The following KLHL13 variants were observed in gnomAD, a reference collection of about 807,000 sequenced individuals.
KLHL13 encodes kelch-like protein 13.
In KLHL13, 10 loss-of-function variants were observed where a neutral mutation model predicts 37.1. The observed-to-expected ratio is 0.27, with a 90% CI of 0.17 to 0.46. KLHL13 has a LOEUF of 0.46. Ranked by LOEUF, KLHL13 falls within the 20% of genes least tolerant of loss-of-function variation. The pLI is 1.00. For missense variants in KLHL13, 360 were observed against 509.3 expected, an observed-to-expected ratio of 0.71 and a Z score of 2.82; for synonymous variants, 163 against 181.2, an observed-to-expected ratio of 0.90 and a Z score of 0.81.
chrX:118,084,261 A>T (rs1000135985), intron 1 of KLHL13, among the ~76,000 whole-genome samples: 4 of 111,890 alleles, frequency 3.6e-5, no homozygotes, highest in African/African-American at 6.5e-5. Flanking sequence ...TGAGCCCAGG[A>T]GTGCTATGAT....
intron 1 of KLHL13, among the ~76,000 whole-genome samples, chrX:118,017,548 T>C (rs1451244056): frequency 2.7e-5 from 3 of 110,254 alleles, no homozygotes; most frequent in Non-Finnish European, 5.7e-5. Context: ...GGTAGTAGAG[T>C]GGAAATGGAG....
Position 117,909,345 on chromosome X carries a change from C to A in KLHL13, c.1322G>T (p.Gly441Val). 8.3e-7 allele frequency: 1 copy of A among 1,207,479 alleles called. No individual in the cohort carries two copies. Among genetic ancestry groups the A allele is most frequent in the Non-Finnish European group, 1.1e-6 (1 of 893,410 alleles). Reference sequence around the variant, plus strand: ...TCGCCCACCAACTGCATACAGATATCCTTTGAGGGCACTTAGGTGGAAGAA... The same window carrying A: ...TCGCCCACCAACTGCATACAGATATACTTTGAGGGCACTTAGGTGGAAGAA... The change falls in exon 5 of 7, where the codon GGA (glycine) becomes GTA (valine). Residue 441 changes from glycine (G) to valine (V), a missense_variant. Physicochemically the swap from Gly to Val is moderately radical, Grantham distance 109. Around this residue, in one of 2 missense-constraint regions of KLHL13, gnomAD observed 166 missense variants for 284.3 expected, o/e 0.58. Coordinates refer to ENST00000262820, the Ensembl canonical transcript of KLHL13.
chrX:117,972,763 T>C (rs1569430319), exon 1 of KLHL13: 1 of 1,211,102 alleles, frequency 8.3e-7, no homozygotes. Context: ...TTGACCTGGA[T>C]GTTTTAAGCA....
chrX:118,069,031 A>G (rs1270568285), intron 1 of KLHL13, among the ~76,000 whole-genome samples: 1 of 108,396 alleles, frequency 9.2e-6, no homozygotes, highest in African/African-American at 3.4e-5. Context: ...ACCTGAGCTG[A>G]ATCTGCACTC....
chrX:118,058,291 A>C (rs2054706132), intron 1 of KLHL13, among the ~76,000 whole-genome samples: 1 of 106,388 alleles, frequency 9.4e-6, no homozygotes, highest in African/African-American at 3.4e-5. Flanking sequence ...CCCTTCCCCT[A>C]CTCCCCCCCT....
At chrX:118,101,305 T>C (rs1477519626) in intron 1 of KLHL13, among the ~76,000 whole-genome samples, 1 of 111,896 alleles carries the variant, frequency 8.9e-6, no homozygotes, top group African/African-American at 3.2e-5. Context: ...GTAAACTAAA[T>C]ATTCATTCAT....
chrX:117,941,092 A>T (rs1214898543), intron 2 of KLHL13, among the ~76,000 whole-genome samples: 1 of 111,299 alleles, frequency 9.0e-6, no homozygotes, highest in Non-Finnish European at 1.9e-5. Context: ...GTCATAAATA[A>T]CACTTATTAT....
intron 1 of KLHL13, among the ~76,000 whole-genome samples, chrX:118,096,832 T>C (rs1240900925): frequency 2.7e-4 from 30 of 111,652 alleles, no homozygotes; most frequent in African/African-American, 9.4e-4. Context: ...AAAAACCACA[T>C]GATTATCTCA....
chrX:118,107,551 T>C (rs748043860), intron 1 of KLHL13, among the ~76,000 whole-genome samples: 3 of 112,293 alleles, frequency 2.7e-5, no homozygotes, highest in African/African-American at 6.5e-5. Context: ...TAAGTATAGT[T>C]ATATTTCATA....
chrX:117,997,227 A>T, intron 1 of KLHL13, among the ~76,000 whole-genome samples: 1 of 106,262 alleles, frequency 9.4e-6, no homozygotes, highest in African/African-American at 3.5e-5. Flanking sequence ...GCCTACTGAC[A>T]CACTCTCTTA....
At chrX:118,025,847 C>T (rs965150641) in intron 1 of KLHL13, among the ~76,000 whole-genome samples, 7 of 112,308 alleles carry the variant, frequency 6.2e-5, no homozygotes, top group Admixed American at 3.8e-4. Context: ...GCTAGTTCTG[C>T]TGTCACACTC....
In KLHL13 at chrX:117,948,260, T is replaced by C. The variant is rs1488857727; in HGVS notation, c.99-2685A>G. 2.7e-5 allele frequency among the ~76,000 whole-genome samples: 3 copies of C among 112,020 alleles called. No individual in the cohort carries two copies. The East Asian group carries it at 8.4e-4, about 31-fold the overall frequency. On this transcript the variant is annotated intron_variant, in intron 1 of 6. Transcript: ENST00000262820. ...TTCTCAAGCAATTTCATGATTTAAA[T>C]AATTTCCCAGTCATAGGGTTGAATC... is the stretch of plus-strand genomic sequence containing the variant.
intron 1 of KLHL13, among the ~76,000 whole-genome samples, chrX:117,999,679 AC>A (rs2053898022): frequency 9.1e-6 from 1 of 110,039 alleles, no homozygotes. Context: ...GTACCCTAAA[AC>A]TTAAAGTATA....
intron 5 of KLHL13, 71 bp downstream of exon 6, chrX:117,909,230 C>T: frequency 1.1e-6 from 1 of 891,789 alleles, no homozygotes; most frequent in Non-Finnish European, 1.6e-6. Flanking sequence ...TACAGGACTG[C>T]TTATTTTATG....
chrX:117,938,468 A>T (rs73595655), intron 2 of KLHL13, among the ~76,000 whole-genome samples: 2,990 of 111,372 alleles, frequency 0.027, 99 homozygotes, highest in African/African-American at 0.092. Flanking sequence ...CCTGGGCCTT[A>T]TCCCCAGAGT....
intron 1 of KLHL13, among the ~76,000 whole-genome samples, chrX:117,961,747 T>C (rs1001467517): frequency 2.7e-5 from 3 of 110,863 alleles, no homozygotes; most frequent in Non-Finnish European, 3.8e-5. Context: ...CTTTAACTTA[T>C]AGCCAACAAG....
intron 1 of KLHL13, among the ~76,000 whole-genome samples, chrX:117,949,190 A>G (rs1233879280): frequency 1.8e-5 from 2 of 112,580 alleles, no homozygotes; most frequent in Non-Finnish European, 3.7e-5. Flanking sequence ...CAAAATTATC[A>G]GAGTACAAGA....
At chrX:118,057,291 C>T in intron 1 of KLHL13, among the ~76,000 whole-genome samples, 1 of 112,110 alleles carries the variant, frequency 8.9e-6, no homozygotes, top group Non-Finnish European at 1.9e-5. Flanking sequence ...TGGATAGTCA[C>T]ATGCAAAAGA....
intron 1 of KLHL13, among the ~76,000 whole-genome samples, chrX:117,970,815 A>G (rs1026378911): frequency 7.1e-5 from 8 of 111,964 alleles, no homozygotes; most frequent in African/African-American, 2.6e-4. Flanking sequence ...GTATTAATAT[A>G]CATAAAAAGA....
Sources: allele counts gnomAD v4.1 joint callset (sites outside exome capture counted in the v4.1 genomes callset), GRCh38; gene constraint gnomAD v4.1.1; regional missense constraint gnomAD v4.1.1; transcripts MANE v1.5; gene names NCBI Gene and HGNC (gene_info 2026-07-23, HGNC 2026-07-21).